Variants in RARB observed in about 807,000 individuals in gnomAD.
The protein encoded by RARB is retinoic acid receptor beta, also known as HBV-activated protein.
RARB carries 17 observed loss-of-function variants against 51.9 expected under a neutral mutation model. The ratio of observed to expected loss-of-function variants is 0.33; its 90% CI spans 0.22 to 0.49. The LOEUF (loss-of-function observed/expected upper bound fraction) is 0.49. Among genes scored for constraint, RARB ranks in the 20% least tolerant of loss-of-function variants. The pLI is 0.99. For synonymous variants in RARB, 215 were observed against 195.4 expected, an observed-to-expected ratio of 1.10 and a Z score of -0.84; for missense variants, 369 against 550.8, an observed-to-expected ratio of 0.67 and a Z score of 3.30.
chr3:25,246,621 T>A (rs1488877006), intron 5 of RARB, among the ~76,000 whole-genome samples: 1 of 152,156 alleles, frequency 6.6e-6, no homozygotes, highest in Non-Finnish European at 1.5e-5. Context: ...CCACTCCAGA[T>A]CCTGTTTGCC....
chr3:25,517,262 C>T (rs1698208654), intron 3 of RARB, among the ~76,000 whole-genome samples: 1 of 151,836 alleles, frequency 6.6e-6, no homozygotes, highest in South Asian at 2.1e-4. Context: ...ATGAGGCTTA[C>T]AAAAGTAATG....
intron 2 of RARB, among the ~76,000 whole-genome samples, chr3:25,022,817 A>G (rs1697666546): frequency 6.6e-6 from 1 of 152,190 alleles, no homozygotes; most frequent in African/African-American, 2.4e-5. Flanking sequence ...ATGGTGGGAA[A>G]GAGCTGGTGA....
rs148786274 is a variant in RARB, at chr3:25,257,861, T to G, written c.178+83286T>G. ...ACACCCCAAATACCATCCGACATTC[T>G]CAGCCTGAAAAACTCAACCTTTCTC... On this transcript the variant is annotated intron_variant, in intron 5 of 11. Transcript: ENST00000383772. Among the ~76,000 whole-genome samples, 784 of 152,214 alleles carry G rather than the reference T, an allele frequency of 5.2e-3. 6 individuals carry two copies. Among genetic ancestry groups the G allele is most frequent in the Middle Eastern group, 0.024 (7 of 294 alleles).
intron 5 of RARB, among the ~76,000 whole-genome samples, chr3:25,390,124 T>C (rs1161096957): frequency 1.3e-5 from 2 of 152,114 alleles, no homozygotes; most frequent in African/African-American, 2.4e-5. Context: ...ATGATGACAT[T>C]AAGAGGTGGG....
intron 4 of RARB, among the ~76,000 whole-genome samples, chr3:25,148,462 T>C (rs1379401763): frequency 2.0e-5 from 3 of 152,162 alleles, no homozygotes; most frequent in Admixed American, 1.3e-4. Context: ...GTAAGAAATA[T>C]CTCTTTTAAG....
At chr3:24,943,833 G>T (rs1401575971) in intron 2 of RARB, among the ~76,000 whole-genome samples, 1 of 152,184 alleles carries the variant, frequency 6.6e-6, no homozygotes, top group East Asian at 1.9e-4. Context: ...TTAGCATTCA[G>T]TGAGGTCAAT....
At chr3:25,094,128 T>C (rs1268625774) in intron 3 of RARB, among the ~76,000 whole-genome samples, 1 of 152,112 alleles carries the variant, frequency 6.6e-6, no homozygotes, top group African/African-American at 2.4e-5. Context: ...GAACTAGCCA[T>C]TGAGTTACTT....
chr3:25,163,504 AATATATATATAT>A (rs138389529), intron 4 of RARB, among the ~76,000 whole-genome samples: 8 of 131,096 alleles, frequency 6.1e-5, no homozygotes, highest in African/African-American at 2.2e-4. Context: ...CCTATCTCAA[AATATATATATAT>A]ATATATATAT....
At chr3:24,948,727 C>G (rs115828914) in intron 2 of RARB, among the ~76,000 whole-genome samples, 1 of 152,112 alleles carries the variant, frequency 6.6e-6, no homozygotes, top group South Asian at 2.1e-4. Context: ...TGATTTAGCA[C>G]TATCTTCTTG....
At chr3:24,868,039 C>A (rs575376682) in intron 2 of RARB, among the ~76,000 whole-genome samples, 1 of 152,016 alleles carries the variant, frequency 6.6e-6, no homozygotes, top group African/African-American at 2.4e-5. Flanking sequence ...TATCTCTGGA[C>A]GGCTTGCAGA....
chr3:25,094,837 C>A (rs1699265520), intron 3 of RARB, among the ~76,000 whole-genome samples: 1 of 151,846 alleles, frequency 6.6e-6, no homozygotes, highest in Non-Finnish European at 1.5e-5. Context: ...AAAGCTCTGG[C>A]CTTTCACCCT....
chr3:25,254,538 A>G (rs1285713587), intron 5 of RARB, among the ~76,000 whole-genome samples: 3 of 152,156 alleles, frequency 2.0e-5, no homozygotes, highest in Admixed American at 1.3e-4. Flanking sequence ...ACACTACCTT[A>G]GCAGCCAAAT....
intron 4 of RARB, among the ~76,000 whole-genome samples, chr3:25,571,251 C>G (rs560356887): frequency 1.3e-5 from 2 of 152,350 alleles, no homozygotes; most frequent in South Asian, 4.1e-4. Flanking sequence ...CAGTACTTTT[C>G]AAAACTCAGC....
At chr3:24,850,714 G>A (rs1575035404) in intron 1 of RARB, among the ~76,000 whole-genome samples, 1 of 152,320 alleles carries the variant, frequency 6.6e-6, no homozygotes, top group African/African-American at 2.4e-5. Context: ...AGACCTGAGA[G>A]CCTGTGCTAA....
intron 2 of RARB, among the ~76,000 whole-genome samples, chr3:24,972,115 C>G (rs890595443): frequency 6.6e-6 from 1 of 151,872 alleles, no homozygotes; most frequent in Admixed American, 6.6e-5. Context: ...TATATTTGCA[C>G]CCATTAATCA....
At chr3:25,242,094 C>T (rs1031008639) in intron 5 of RARB, among the ~76,000 whole-genome samples, 43 of 152,104 alleles carry the variant, frequency 2.8e-4, no homozygotes, top group African/African-American at 9.4e-4. Flanking sequence ...GTTTTTTGGC[C>T]ACATAAATGT....
At chr3:25,486,145 C>T (rs1696456673) in intron 2 of RARB, among the ~76,000 whole-genome samples, 1 of 152,128 alleles carries the variant, frequency 6.6e-6, no homozygotes, top group Non-Finnish European at 1.5e-5. Flanking sequence ...ATTTGGGAGA[C>T]TGGGCTTTCT....
At chr3:25,557,883 C>T (rs1022585449) in intron 3 of RARB, among the ~76,000 whole-genome samples, 3 of 152,188 alleles carry the variant, frequency 2.0e-5, no homozygotes, top group Admixed American at 6.5e-5. Context: ...TCCAAAGCTG[C>T]CCTGTTGCTT....
chr3:25,527,414 T>G (rs968776526), intron 3 of RARB, among the ~76,000 whole-genome samples: 1 of 152,236 alleles, frequency 6.6e-6, no homozygotes, highest in Non-Finnish European at 1.5e-5. Flanking sequence ...AAAATGGTAG[T>G]GAAAGAGCAT....
Sources: gnomAD v4.1 joint callset for allele counts (sites outside exome capture counted in the v4.1 genomes callset) on GRCh38, gnomAD v4.1.1 for gene constraint, MANE v1.5 for transcripts, NCBI Gene and HGNC (gene_info 2026-07-23, HGNC 2026-07-21) for gene names.